RNF150: variants seen among roughly 807,000 people sequenced by gnomAD.
The protein encoded by RNF150 is ring finger protein 150.
In RNF150, 24 loss-of-function variants were observed where a neutral mutation model predicts 39.3. That is an observed-to-expected ratio of 0.61 (90% CI 0.44 to 0.86). The LOEUF (loss-of-function observed/expected upper bound fraction) is 0.86, where lower values mean the gene tolerates loss of function less well. RNF150 is among the 40% of genes least tolerant of loss of function. RNF150 has a pLI of 0.00. For synonymous variants in RNF150, 255 were observed against 227.3 expected (o/e 1.12, Z -1.10); for missense variants, 502 against 587.8 (o/e 0.85, Z 1.51).
intron 6 of RNF150, among the ~76,000 whole-genome samples, chr4:140,875,189 G>T (rs1189160699): frequency 1.4e-5 from 2 of 138,398 alleles, no homozygotes; most frequent in Non-Finnish European, 3.1e-5. Context: ...TTTGGTGAGT[G>T]ACAGGGTCTT....
At chr4:141,170,370 A>G (rs1727693124) in intron 1 of RNF150, among the ~76,000 whole-genome samples, 1 of 152,178 alleles carries the variant, frequency 6.6e-6, no homozygotes, top group Admixed American at 6.5e-5. Context: ...TTGGAACATG[A>G]ATCACCACAT....
intron 2 of RNF150, among the ~76,000 whole-genome samples, chr4:140,962,331 A>C (rs971352857): frequency 3.9e-5 from 6 of 151,948 alleles, no homozygotes; most frequent in Admixed American, 1.3e-4. Context: ...GTTACTAGCC[A>C]CATTTCATGT....
At chr4:140,972,132 T>C (rs1733491011) in intron 1 of RNF150, among the ~76,000 whole-genome samples, 1 of 152,280 alleles carries the variant, frequency 6.6e-6, no homozygotes, top group South Asian at 2.1e-4. Context: ...AAAAAACTTA[T>C]ATTGTCCCAT....
upstream of RNF150, among the ~76,000 whole-genome samples, chr4:141,136,524 T>A (rs974744010): frequency 1.6e-4 from 25 of 152,214 alleles, no homozygotes; most frequent in Non-Finnish European, 2.8e-4. Context: ...CTACTCTTTT[T>A]TCCAGTGGCA....
intron 2 of RNF150, among the ~76,000 whole-genome samples, chr4:140,963,354 G>C (rs1184032046): frequency 6.6e-6 from 1 of 151,952 alleles, no homozygotes; most frequent in Non-Finnish European, 1.5e-5. Flanking sequence ...TAAAATGCTC[G>C]AGTGCAGTGT....
rs553981733 is a variant in RNF150 at position 141,090,637 on chromosome 4, T to C, written c.484+41688A>G. 2.0e-5 allele frequency among the ~76,000 whole-genome samples: 3 copies of C among 152,288 alleles called. No homozygotes were observed. In the South Asian group the frequency reaches 6.2e-4, roughly 32 times the overall value. ...TTCAAGTTACACACATAAAACATGA[T>C]ACCTAAGTGCTGGGTTCATGGCCTC... is the stretch of plus-strand genomic sequence containing the variant. On this transcript the variant is annotated intron_variant, in intron 1 of 6. Coordinates refer to ENST00000515673, the MANE Select transcript of RNF150 (RefSeq NM_020724.2).
chr4:141,001,085 A>C (rs1002590583), intron 1 of RNF150, among the ~76,000 whole-genome samples: 1 of 152,216 alleles, frequency 6.6e-6, no homozygotes, highest in Non-Finnish European at 1.5e-5. Context: ...CAACACATTA[A>C]GATATAAGCC....
chr4:140,891,670 G>T (rs770952409), intron 6 of RNF150, among the ~76,000 whole-genome samples: 3 of 152,192 alleles, frequency 2.0e-5, no homozygotes, highest in Non-Finnish European at 2.9e-5. Context: ...TATATAAAAT[G>T]GTGTAGAATC....
chr4:141,046,922 T>C (rs1014885926), intron 1 of RNF150, among the ~76,000 whole-genome samples: 8 of 152,072 alleles, frequency 5.3e-5, no homozygotes, highest in African/African-American at 1.9e-4. Context: ...AGGCTTAACA[T>C]TGGCTCTAGA....
chr4:140,877,803 G>A (rs544764329), intron 6 of RNF150, among the ~76,000 whole-genome samples: 1 of 152,338 alleles, frequency 6.6e-6, no homozygotes, highest in South Asian at 2.1e-4. Context: ...GTAACCAAGA[G>A]GATTCATGAA....
chr4:141,131,703 G>A (rs1319166445), intron 1 of RNF150, among the ~76,000 whole-genome samples: 2 of 152,114 alleles, frequency 1.3e-5, no homozygotes, highest in African/African-American at 4.8e-5. Context: ...TAACTTTAGG[G>A]CCATCACACT....
At chr4:141,159,600 T>A (rs949498967) in intron 1 of RNF150, among the ~76,000 whole-genome samples, 1 of 152,172 alleles carries the variant, frequency 6.6e-6, no homozygotes, top group Non-Finnish European at 1.5e-5. Flanking sequence ...TGGAGTGCAG[T>A]GGCGCAATCA....
intron 4 of RNF150, among the ~76,000 whole-genome samples, chr4:140,937,233 T>C (rs1457560497): frequency 6.6e-6 from 1 of 152,298 alleles, no homozygotes; most frequent in Non-Finnish European, 1.5e-5. Context: ...CGAACTATTA[T>C]GCAACTACTA....
At chr4:140,895,906 C>T (rs1446145384) in intron 6 of RNF150, among the ~76,000 whole-genome samples, 1 of 150,120 alleles carries the variant, frequency 6.7e-6, no homozygotes, top group African/African-American at 2.5e-5. Context: ...CAAAAGAAGA[C>T]ATTTATGCAG....
chr4:141,133,997 C>T (rs1381658678), upstream of RNF150, among the ~76,000 whole-genome samples: 6 of 152,228 alleles, frequency 3.9e-5, no homozygotes, highest in Non-Finnish European at 8.8e-5. Context: ...AACAACCATT[C>T]TGTTAAGATG....
intron 1 of RNF150, among the ~76,000 whole-genome samples, chr4:141,049,817 T>C (rs1339565241): frequency 6.6e-6 from 1 of 152,146 alleles, no homozygotes; most frequent in African/African-American, 2.4e-5. Flanking sequence ...AGCCCCCTAT[T>C]AGGGGAAAGC....
chr4:141,125,322 C>T (rs1560750720), intron 1 of RNF150, among the ~76,000 whole-genome samples: 1 of 152,164 alleles, frequency 6.6e-6, no homozygotes, highest in Non-Finnish European at 1.5e-5. Context: ...AAGAATTACA[C>T]AGCACAACGC....
chr4:141,187,936 T>C (rs2111197745), intron 1 of RNF150, among the ~76,000 whole-genome samples: 1 of 152,330 alleles, frequency 6.6e-6, no homozygotes, highest in Admixed American at 6.5e-5. Context: ...AGTTTCTTCA[T>C]AGTGTTGTTG....
At chr4:141,108,814 A>C (rs1739296337) in intron 1 of RNF150, among the ~76,000 whole-genome samples, 1 of 152,186 alleles carries the variant, frequency 6.6e-6, no homozygotes, top group Non-Finnish European at 1.5e-5. Context: ...GACTTTATTG[A>C]CTTATTTTCT....
Sources: allele counts gnomAD v4.1 joint callset (sites outside exome capture counted in the v4.1 genomes callset), GRCh38; gene constraint gnomAD v4.1.1; transcripts MANE v1.5; gene names NCBI Gene and HGNC (gene_info 2026-07-23, HGNC 2026-07-21).